Variants in CDH18 observed in about 807,000 individuals in gnomAD.
The protein encoded by CDH18 is cadherin-18.
CDH18 carries 31 observed loss-of-function variants against 67.9 expected under a neutral mutation model. The observed-to-expected ratio is 0.46, with a 90% CI of 0.34 to 0.62. CDH18 has a LOEUF of 0.62. CDH18 is among the 20% of genes least tolerant of loss of function. CDH18 has a pLI of 0.01. For synonymous variants in CDH18, 362 were observed against 347.2 expected, an observed-to-expected ratio of 1.04 and a Z score of -0.48; for missense variants, 890 against 975.5, an observed-to-expected ratio of 0.91 and a Z score of 1.17.
chr5:19,641,513 A>C (rs923030623), intron 5 of CDH18, among the ~76,000 whole-genome samples: 1 of 152,070 alleles, frequency 6.6e-6, no homozygotes, highest in Non-Finnish European at 1.5e-5. Context: ...GAGATTTATC[A>C]ATTGGTTTGC....
At chr5:19,970,808 T>C (rs781497023) in intron 2 of CDH18, among the ~76,000 whole-genome samples, 2 of 150,974 alleles carry the variant, frequency 1.3e-5, no homozygotes, top group Non-Finnish European at 3.0e-5. Flanking sequence ...TATATATAAG[T>C]GTTTAAAATA....
intron 5 of CDH18, among the ~76,000 whole-genome samples, chr5:19,697,229 A>G (rs1762648748): frequency 6.6e-6 from 1 of 152,214 alleles, no homozygotes; most frequent in Non-Finnish European, 1.5e-5. Context: ...ATATTTTGCA[A>G]TTGCTGCAGG....
At chr5:20,562,848 T>G (rs1758294576) in intron 1 of CDH18, among the ~76,000 whole-genome samples, 1 of 151,976 alleles carries the variant, frequency 6.6e-6, no homozygotes, top group African/African-American at 2.4e-5. Context: ...CTTCTACATC[T>G]TTAACATGGT....
chr5:20,208,906 C>T (rs2126362591), intron 2 of CDH18, among the ~76,000 whole-genome samples: 1 of 151,966 alleles, frequency 6.6e-6, no homozygotes, highest in East Asian at 1.9e-4. Context: ...AACACAAAAT[C>T]CCCACAAAGA....
chr5:19,657,018 G>GT (rs2150295766), intron 5 of CDH18, among the ~76,000 whole-genome samples: 1 of 152,082 alleles, frequency 6.6e-6, no homozygotes, highest in Admixed American at 6.6e-5. Flanking sequence ...ATATTGTGAG[G>GT]TTTGGTGAAA....
chr5:19,672,912 T>C (rs184191545), intron 5 of CDH18, among the ~76,000 whole-genome samples: 14 of 152,164 alleles, frequency 9.2e-5, no homozygotes, highest in African/African-American at 3.4e-4. Flanking sequence ...CCTATTATTA[T>C]AGACAATAAT....
At chr5:19,941,402 G>A (rs1794802794) in intron 2 of CDH18, among the ~76,000 whole-genome samples, 4 of 152,054 alleles carry the variant, frequency 2.6e-5, no homozygotes, top group Admixed American at 2.6e-4. Context: ...CACATGTTTG[G>A]TTGAGACGGG....
chr5:19,621,097 G>A (rs1018719300), intron 5 of CDH18, among the ~76,000 whole-genome samples: 1 of 152,026 alleles, frequency 6.6e-6, no homozygotes, highest in Admixed American at 6.6e-5. Context: ...AATATCATTA[G>A]ATAGCACAGG....
intron 2 of CDH18, among the ~76,000 whole-genome samples, chr5:20,187,553 T>A: frequency 6.6e-6 from 1 of 151,998 alleles, no homozygotes; most frequent in South Asian, 2.1e-4. Context: ...ATACATAAAA[T>A]AAATTTCCTG....
intron 2 of CDH18, among the ~76,000 whole-genome samples, chr5:20,046,258 T>C (rs140014340): frequency 2.9e-4 from 44 of 152,158 alleles, no homozygotes; most frequent in South Asian, 2.1e-3. Context: ...AAATTCATGA[T>C]AATACCACAT....
intron 2 of CDH18, among the ~76,000 whole-genome samples, chr5:20,078,542 G>C (rs549296376): frequency 6.6e-6 from 1 of 152,064 alleles, no homozygotes; most frequent in East Asian, 1.9e-4. Flanking sequence ...TATCAGTAAA[G>C]AAGAAACCAA....
intron 8 of CDH18, among the ~76,000 whole-genome samples, chr5:19,571,015 T>C (rs997989603): frequency 1.3e-5 from 2 of 152,232 alleles, no homozygotes. Context: ...CACCCTATAC[T>C]GTCTTTCACA....
intron 9 of CDH18, among the ~76,000 whole-genome samples, chr5:19,534,131 TA>T (rs141254845): frequency 0.019 from 2,932 of 152,156 alleles, 75 homozygotes; most frequent in African/African-American, 0.066. Flanking sequence ...GTGTAGAACC[TA>T]AAAGGTATGA....
rs529397984 is a variant in CDH18 at position 20,357,183 on chromosome 5, A to T, written c.-579-101678T>A. On this transcript the variant is annotated intron_variant, in intron 1 of 14. Coordinates refer to the CDH18 transcript ENST00000507958. ...AAATGAGAATGCATGATGTTACTTA[A>T]CATTAAGAAAAAAGATCTTTAATGT... 2.0e-5 allele frequency among the ~76,000 whole-genome samples: 3 copies of T among 152,236 alleles called. No homozygotes were observed. The South Asian group carries it at 6.2e-4, about 32-fold the overall frequency.
At chr5:20,024,938 A>G (rs1468373129) in intron 2 of CDH18, among the ~76,000 whole-genome samples, 4 of 152,168 alleles carry the variant, frequency 2.6e-5, no homozygotes, top group African/African-American at 9.6e-5. Context: ...AACATCACTC[A>G]CTGACCTGCA....
At chr5:19,879,359 T>C (rs1787371683) in intron 2 of CDH18, among the ~76,000 whole-genome samples, 1 of 151,930 alleles carries the variant, frequency 6.6e-6, no homozygotes, top group Non-Finnish European at 1.5e-5. Flanking sequence ...GAGCACATAT[T>C]AATACATTAA....
chr5:20,250,916 A>G (rs1246558055), intron 2 of CDH18, among the ~76,000 whole-genome samples: 1 of 152,068 alleles, frequency 6.6e-6, no homozygotes, highest in Non-Finnish European at 1.5e-5. Context: ...AGACAAATGC[A>G]TTTAGATAAA....
intron 2 of CDH18, among the ~76,000 whole-genome samples, chr5:20,149,470 A>AC: frequency 6.6e-6 from 1 of 152,208 alleles, no homozygotes; most frequent in East Asian, 1.9e-4. Flanking sequence ...CAGGGTAGTG[A>AC]AGGGAGTCAT....
At position 19,810,017 on chromosome 5, in the gene CDH18, T is replaced by C. The variant is rs533557017; in HGVS notation, c.228+28742A>G. ...CTGTTATTTATGTGGTTTGGAAGAA[T>C]TGAAGCAAGAAAAACTAGATGTCAA... On this transcript the variant is annotated intron_variant, in intron 3 of 12. Coordinates refer to ENST00000382275, the MANE Select transcript of CDH18 (RefSeq NM_004934.5). Among the ~76,000 whole-genome samples, 13 of 152,120 alleles carry C rather than the reference T, an allele frequency of 8.5e-5. No homozygotes were observed. In the East Asian group the frequency reaches 1.5e-3, roughly 18 times the overall value.
Sources: gnomAD v4.1 joint callset for allele counts (sites outside exome capture counted in the v4.1 genomes callset) on GRCh38, gnomAD v4.1.1 for gene constraint, MANE v1.5 for transcripts, NCBI Gene and HGNC (gene_info 2026-07-23, HGNC 2026-07-21) for gene names.